Variants in HMCN1 observed in about 807,000 individuals in gnomAD.
HMCN1 encodes the protein hemicentin 1, also known as hemicentin-1.
HMCN1 carries 321 observed loss-of-function variants against 625.9 expected under a neutral mutation model. That is an observed-to-expected ratio of 0.51 (90% CI 0.47 to 0.56). The LOEUF (loss-of-function observed/expected upper bound fraction) is 0.56, where lower values mean the gene tolerates loss of function less well. Ranked by LOEUF, HMCN1 falls within the 20% of genes least tolerant of loss-of-function variation. The pLI, the probability that HMCN1 is intolerant of heterozygous loss-of-function variation, is 0.00. For synonymous variants in HMCN1, 2,425 were observed against 2,417.6 expected (o/e 1.00, Z -0.09); for missense variants, 6,588 against 6,887.3 (o/e 0.96, Z 1.54).
At chr1:185,977,308 A>G (rs909683059) in intron 15 of HMCN1, among the ~76,000 whole-genome samples, 1 of 152,178 alleles carries the variant, frequency 6.6e-6, no homozygotes, top group South Asian at 2.1e-4. Flanking sequence ...ATTTAGGAGT[A>G]AATAGTGTTA....
intron 74 of HMCN1, 29 bp downstream of exon 74, chr1:186,114,975 G>C (rs374288061): frequency 3.1e-6 from 5 of 1,614,056 alleles, no homozygotes; most frequent in Non-Finnish European, 4.2e-6. Context: ...ACAACATCCG[G>C]TCTCTGTGTC....
intron 1 of HMCN1, among the ~76,000 whole-genome samples, chr1:185,830,285 C>G (rs1231841477): frequency 6.6e-6 from 1 of 152,062 alleles, no homozygotes; most frequent in Non-Finnish European, 1.5e-5. Context: ...GCTTTAGTTG[C>G]AATTGCTTTT....
At chr1:186,163,273 C>A (rs978762357) in intron 97 of HMCN1, among the ~76,000 whole-genome samples, 18 of 152,262 alleles carry the variant, frequency 1.2e-4, no homozygotes, top group African/African-American at 3.4e-4. Flanking sequence ...GCACAGTATT[C>A]GGGTGGGAGT....
intron 1 of HMCN1, among the ~76,000 whole-genome samples, chr1:185,780,443 C>T (rs1248174686): frequency 1.3e-5 from 2 of 152,126 alleles, no homozygotes; most frequent in African/African-American, 2.4e-5. Context: ...AAAGGGAATG[C>T]TTCCAGTTTT....
chr1:185,972,578 A>T (rs745609623), intron 15 of HMCN1, among the ~76,000 whole-genome samples: 3 of 152,198 alleles, frequency 2.0e-5, no homozygotes, highest in African/African-American at 7.2e-5. Flanking sequence ...AGAACCATCA[A>T]CATAAGCCAA....
At position 185,911,914 on chromosome 1, in the gene HMCN1, T is replaced by C. The variant is rs776948864; in HGVS notation, c.900+134T>C. 5.3e-4 allele frequency: 367 copies of C among 686,524 alleles called. 1 individual carries two copies. The highest frequency in any genetic ancestry group is 8.4e-4 in the Non-Finnish European group (320 of 380,244). The allele number at this position is 686,524 out of a possible 1,614,324, so 42.5% of individuals were successfully genotyped here. A position where few individuals can be genotyped will look rare whatever the true frequency, so the allele number is the denominator to read the frequency against. ...TGCTTGTAATAAAAAGCAACGTACA[T>C]AGGTGTTTGTAGGTGTCTTGATCAC... On this transcript the variant is annotated intron_variant, in intron 6 of 106. Transcript: ENST00000271588.
At chr1:186,127,054 G>A (rs1661682848) in intron 82 of HMCN1, among the ~76,000 whole-genome samples, 1 of 152,048 alleles carries the variant, frequency 6.6e-6, no homozygotes, top group Admixed American at 6.6e-5. Flanking sequence ...CTGGTAGATT[G>A]CAAGTAGGGT....
chr1:185,986,931 A>T (rs74134265), intron 19 of HMCN1, among the ~76,000 whole-genome samples: 6,856 of 151,740 alleles, frequency 0.045, 513 homozygotes, highest in African/African-American at 0.15. Context: ...ACAAAACAAA[A>T]CTTTTTATCT....
chr1:185,894,878 C>G (rs78134522), intron 4 of HMCN1, among the ~76,000 whole-genome samples: 1 of 151,210 alleles, frequency 6.6e-6, no homozygotes, highest in Non-Finnish European at 1.5e-5. Flanking sequence ...TGTTTTTTTT[C>G]CTGACACGGT....
At chr1:186,119,065 A>G in intron 77 of HMCN1, 126 bp from the exon 78 acceptor site, 1 of 728,580 alleles carries the variant, frequency 1.4e-6, no homozygotes, top group Admixed American at 2.0e-5. Context: ...TTCAGGGGAT[A>G]CAAGTATGAA....
intron 4 of HMCN1, among the ~76,000 whole-genome samples, chr1:185,906,745 T>C (rs973689475): frequency 6.6e-6 from 1 of 151,824 alleles, no homozygotes; most frequent in African/African-American, 2.4e-5. Flanking sequence ...CTGGTACTTG[T>C]TTTCTAATGT....
At chr1:186,024,944 C>T (rs1196106747) in intron 36 of HMCN1, among the ~76,000 whole-genome samples, 1 of 152,116 alleles carries the variant, frequency 6.6e-6, no homozygotes, top group Non-Finnish European at 1.5e-5. Context: ...TTATTGTGCA[C>T]TTTATTTCTA....
intron 4 of HMCN1, among the ~76,000 whole-genome samples, chr1:185,880,226 A>G (rs1327175907): frequency 1.3e-5 from 2 of 152,162 alleles, no homozygotes; most frequent in African/African-American, 2.4e-5. Context: ...ACATTTTGGA[A>G]GTCACGGTGA....
chr1:185,983,684 C>T (rs2102007717), intron 18 of HMCN1, among the ~76,000 whole-genome samples: 1 of 152,234 alleles, frequency 6.6e-6, no homozygotes, highest in East Asian at 1.9e-4. Flanking sequence ...ACATATTGTC[C>T]ACTAATATTT....
At chr1:186,100,725 T>C (rs1442735821) in intron 68 of HMCN1, among the ~76,000 whole-genome samples, 4 of 152,160 alleles carry the variant, frequency 2.6e-5, no homozygotes, top group Non-Finnish European at 5.9e-5. Flanking sequence ...AGTTGAAATA[T>C]GGTGGGTTAA....
intron 6 of HMCN1, among the ~76,000 whole-genome samples, chr1:185,915,993 A>G (rs1666678418): frequency 6.6e-6 from 1 of 152,010 alleles, no homozygotes; most frequent in Non-Finnish European, 1.5e-5. Flanking sequence ...TGCTTCCTTT[A>G]TAAAAAAGAC....
At chr1:186,166,968 A>G in intron 100 of HMCN1, 26 bp downstream of exon 100, 1 of 1,613,938 alleles carries the variant, frequency 6.2e-7, no homozygotes, top group South Asian at 1.1e-5. Context: ...CCTTTTCTTT[A>G]TGTTCATGAC....
intron 81 of HMCN1, 125 bp downstream of exon 81, chr1:186,123,345 G>T: frequency 1.7e-6 from 2 of 1,146,556 alleles, no homozygotes; most frequent in Non-Finnish European, 2.5e-6. Flanking sequence ...TGTGTGTGGG[G>T]GTGTGGTGTG....
Position 186,002,367 on chromosome 1 carries a change from T to A in HMCN1, c.4348+626T>A, listed in dbSNP as rs147020485. 2.7e-3 allele frequency among the ~76,000 whole-genome samples: 414 copies of A among 152,244 alleles called. 1 individual carries two copies. The highest frequency in any genetic ancestry group is 4.6e-3 in the Non-Finnish European group (313 of 67,978). On this transcript the variant is annotated intron_variant, in intron 28 of 106. Coordinates refer to ENST00000271588, the MANE Select transcript of HMCN1 (RefSeq NM_031935.3). ...AATGACATTCTCCCTTTTCAATATT[T>A]TGCTCCTTACAATGGGCACATAATT...
Sources: gnomAD v4.1 joint callset for allele counts (sites outside exome capture counted in the v4.1 genomes callset) on GRCh38, gnomAD v4.1.1 for gene constraint, MANE v1.5 for transcripts, NCBI Gene and HGNC (gene_info 2026-07-23, HGNC 2026-07-21) for gene names.